The following CNBD1 variants were observed in gnomAD, a reference collection of about 807,000 sequenced individuals.
CNBD1 encodes the protein cyclic nucleotide binding domain containing 1, also known as cyclic nucleotide-binding domain-containing protein 1.
A neutral mutation model predicts 54.4 loss-of-function variants in CNBD1; 71 were observed. That is an observed-to-expected ratio of 1.30 (90% CI 1.08 to 1.59). The LOEUF is 1.59. Ranked by LOEUF, CNBD1 falls within the 40% of genes most tolerant of loss-of-function variation. CNBD1 has a pLI of 0.00. For synonymous variants in CNBD1, 182 were observed against 170.7 expected, an observed-to-expected ratio of 1.07 and a Z score of -0.51; for missense variants, 659 against 518.0, an observed-to-expected ratio of 1.27 and a Z score of -2.64.
chr8:87,145,696 C>T lies in CNBD1; in HGVS notation c.432-60297C>T, dbSNP rs949168905. ...TGAGAGGGTTTATAATCCTTCTTGA[C>T]TTTAAATGTGTTAAACCAAAATATT... On this transcript the variant is annotated intron_variant, in intron 4 of 10. Coordinates refer to ENST00000518476, the MANE Select transcript of CNBD1 (RefSeq NM_173538.3). Among the ~76,000 whole-genome samples the T allele has an allele frequency of 3.3e-5, 5 of 152,082 alleles. No individual in the cohort carries two copies. In the South Asian group the frequency reaches 1.0e-3, roughly 32 times the overall value.
intron 4 of CNBD1, among the ~76,000 whole-genome samples, chr8:87,024,872 CTGT>C (rs1809598691): frequency 6.6e-6 from 1 of 152,112 alleles, no homozygotes; most frequent in Admixed American, 6.6e-5. Context: ...TCCCAAGAAA[CTGT>C]TTTTTGAGAA....
intron 5 of CNBD1, among the ~76,000 whole-genome samples, chr8:87,220,866 C>CTT (rs35638631): frequency 0.57 from 87,013 of 151,524 alleles, 25,693 homozygotes; most frequent in African/African-American, 0.66. Flanking sequence ...TTTAATATCT[C>CTT]GATAGTTGTC....
chr8:87,338,233 T>C (rs1809988304), intron 8 of CNBD1, among the ~76,000 whole-genome samples: 1 of 152,208 alleles, frequency 6.6e-6, no homozygotes, highest in South Asian at 2.1e-4. Flanking sequence ...CATAATGAAT[T>C]TTGCTTATAC....
chr8:86,960,130 G>T (rs1234817391), intron 4 of CNBD1, among the ~76,000 whole-genome samples: 1 of 152,140 alleles, frequency 6.6e-6, no homozygotes, highest in Non-Finnish European at 1.5e-5. Context: ...CATCTCACTG[G>T]AGCTTGTCGG....
At chr8:87,408,613 C>T (rs1167505924) in intron 2 of CNBD1, among the ~76,000 whole-genome samples, 1 of 151,996 alleles carries the variant, frequency 6.6e-6, no homozygotes, top group Non-Finnish European at 1.5e-5. Flanking sequence ...TATCGTGCTT[C>T]ATTATATCAT....
chr8:87,177,487 A>G (rs1173354079), intron 4 of CNBD1, among the ~76,000 whole-genome samples: 1 of 152,224 alleles, frequency 6.6e-6, no homozygotes, highest in Non-Finnish European at 1.5e-5. Context: ...TTATTAGCAC[A>G]ATTGCATAGT....
chr8:87,342,651 G>A (rs1810090506), intron 8 of CNBD1, among the ~76,000 whole-genome samples: 1 of 152,070 alleles, frequency 6.6e-6, no homozygotes, highest in African/African-American at 2.4e-5. Context: ...GGGCCTCTGA[G>A]GGTGCCATCA....
At chr8:87,018,643 C>A (rs1314163069) in intron 4 of CNBD1, among the ~76,000 whole-genome samples, 1 of 151,716 alleles carries the variant, frequency 6.6e-6, no homozygotes, top group Non-Finnish European at 1.5e-5. Flanking sequence ...GTTTTACTTC[C>A]AAAAAAACCA....
At chr8:87,065,625 A>T (rs1810632606) in intron 4 of CNBD1, among the ~76,000 whole-genome samples, 1 of 151,920 alleles carries the variant, frequency 6.6e-6, no homozygotes, top group Non-Finnish European at 1.5e-5. Context: ...TCCCTTTTCC[A>T]TTTAAAAACA....
At chr8:86,981,207 C>T (rs1808480028) in intron 4 of CNBD1, among the ~76,000 whole-genome samples, 1 of 152,206 alleles carries the variant, frequency 6.6e-6, no homozygotes, top group Non-Finnish European at 1.5e-5. Context: ...TACTCACACA[C>T]ATTCAAGAAT....
intron 8 of CNBD1, among the ~76,000 whole-genome samples, chr8:87,321,538 T>A (rs1039967147): frequency 7.2e-5 from 11 of 152,258 alleles, no homozygotes; most frequent in Non-Finnish European, 1.3e-4. Flanking sequence ...TTTAAAGGGT[T>A]TTTTGATTTT....
rs371222397 is a variant in CNBD1, at chr8:86,969,791, T to TAC, written c.431+30038_431+30039insCA. Among the ~76,000 whole-genome samples the TAC allele has an allele frequency of 8.3e-3, 444 of 53,762 alleles. 3 individuals carry two copies. The highest frequency in any genetic ancestry group is 0.022 in the African/African-American group (401 of 18,370). The allele number at this position is 53,762 out of a possible 152,430, so 35.3% of individuals were successfully genotyped here. ...TAAGGACTAGTGTTTTATATATATATATACACACACACACACACACACACA... is the reference window on the plus strand; with the variant it reads ...TAAGGACTAGTGTTTTATATATATATACATACACACACACACACACACACACA... On this transcript the variant is annotated intron_variant, in intron 4 of 10. Transcript: ENST00000518476.
At chr8:87,085,837 G>A (rs1026971537) in intron 4 of CNBD1, among the ~76,000 whole-genome samples, 11 of 152,102 alleles carry the variant, frequency 7.2e-5, no homozygotes, top group Non-Finnish European at 1.3e-4. Flanking sequence ...AGGTCCCTGG[G>A]CTTCAGAGAT....
At chr8:87,243,332 T>C (rs905263620) in intron 6 of CNBD1, among the ~76,000 whole-genome samples, 1 of 152,216 alleles carries the variant, frequency 6.6e-6, no homozygotes, top group African/African-American at 2.4e-5. Context: ...AAGAACATAT[T>C]CCAATTAATT....
intron 4 of CNBD1, among the ~76,000 whole-genome samples, chr8:87,029,151 C>T: frequency 6.6e-6 from 1 of 152,190 alleles, no homozygotes; most frequent in South Asian, 2.1e-4. Context: ...TAAATTGTTT[C>T]CATGATAATG....
intron 10 of CNBD1, among the ~76,000 whole-genome samples, chr8:87,377,133 TTTA>T (rs1419135797): frequency 6.7e-6 from 1 of 149,630 alleles, no homozygotes. Flanking sequence ...TTTTATTTTA[TTTA>T]TTTTTTTATG....
chr8:86,920,819 A>C (rs888119419), intron 3 of CNBD1, among the ~76,000 whole-genome samples: 3 of 152,206 alleles, frequency 2.0e-5, no homozygotes, highest in African/African-American at 7.2e-5. Flanking sequence ...TCTGGATCTA[A>C]AAGCAGTAAA....
intron 8 of CNBD1, among the ~76,000 whole-genome samples, chr8:87,289,885 C>A (rs945747950): frequency 2.6e-5 from 4 of 152,078 alleles, no homozygotes; most frequent in South Asian, 2.1e-4. Context: ...CGGTTTGATA[C>A]CTCGAGGTGC....
chr8:87,267,713 G>A lies in CNBD1; in HGVS notation c.772-16965G>A, dbSNP rs116239873. Among the ~76,000 whole-genome samples, 1,308 of 152,140 alleles carry A rather than the reference G, an allele frequency of 8.6e-3. 34 individuals are homozygous for A. Among genetic ancestry groups the A allele is most frequent in the African/African-American group, 0.03 (1,229 of 41,496 alleles). On this transcript the variant is annotated intron_variant, in intron 6 of 10. Transcript: ENST00000518476. The stretch of plus-strand genomic sequence containing the variant: ...AATGGACTACATTAAACATTAACAT[G>A]GTTGCATATGCTACCTTTATCTAAA...
Sources: allele counts gnomAD v4.1 joint callset (sites outside exome capture counted in the v4.1 genomes callset), GRCh38; gene constraint gnomAD v4.1.1; transcripts MANE v1.5; gene names NCBI Gene and HGNC (gene_info 2026-07-23, HGNC 2026-07-21).